Variants in IQCH observed in about 807,000 individuals in gnomAD.
The protein encoded by IQCH is IQ domain-containing protein H.
IQCH carries 98 observed loss-of-function variants against 117.0 expected under a neutral mutation model. The ratio of observed to expected loss-of-function variants is 0.84; its 90% CI spans 0.71 to 0.99. The LOEUF (loss-of-function observed/expected upper bound fraction) is 0.99. Among genes scored for constraint, IQCH ranks in the 50% least tolerant of loss-of-function variants. The probability of loss-of-function intolerance (pLI) is 0.00; values close to 1 mark genes in which losing one functional copy is unlikely to be tolerated. For synonymous variants in IQCH, 412 were observed against 448.2 expected (o/e 0.92, Z 1.02); for missense variants, 1,102 against 1,243.8 (o/e 0.89, Z 1.72).
intron 4 of IQCH, among the ~76,000 whole-genome samples, chr15:67,297,101 A>G (rs1045724939): frequency 1.1e-4 from 16 of 152,180 alleles, no homozygotes; most frequent in Non-Finnish European, 1.0e-4. Flanking sequence ...GCATGGAGTT[A>G]AGTGATGCTG....
chr15:67,495,377 G>A, intron 20 of IQCH, among the ~76,000 whole-genome samples: 1 of 152,254 alleles, frequency 6.6e-6, no homozygotes, highest in South Asian at 2.1e-4. Context: ...GTTTTGTTTT[G>A]TTTTAAAGAG....
At position 67,358,865 on chromosome 15, in the gene IQCH, G is replaced by C. The variant is rs1361360905; in HGVS notation, c.715-982G>C. On this transcript the variant is annotated intron_variant, in intron 7 of 20. Transcript: ENST00000335894. ...ATCAAGAGGTTTCACTGTAATATCAGCACTGGTGGGCTGTGTCCCCTTAAG... is the reference window on the plus strand; with the variant it reads ...ATCAAGAGGTTTCACTGTAATATCACCACTGGTGGGCTGTGTCCCCTTAAG... 2.0e-5 allele frequency among the ~76,000 whole-genome samples: 3 copies of C among 152,316 alleles called. No individual in the cohort carries two copies. In the East Asian group the frequency reaches 5.8e-4, roughly 29 times the overall value.
Position 67,421,512 on chromosome 15 carries a change from G to A in IQCH, c.2440G>A (p.Asp814Asn). ...AATTGGAAAAGCCTGCAGAATGAGA[G>A]ATGTGGTTGGTTACTTTTCGATAGA... Reference protein sequence around the residue: ...LQIGKACRMRDVVGYFSIDLV... With the variant: ...LQIGKACRMRNVVGYFSIDLV... Residue 814 changes from aspartate (D) to asparagine (N), a missense_variant, in exon 16 of 21, where the codon GAT (aspartate) becomes AAT (asparagine). Transcript: ENST00000335894. 2 of 1,614,184 alleles carry A rather than the reference G, an allele frequency of 1.2e-6. No individual in the cohort carries two copies. The highest frequency in any genetic ancestry group is 2.2e-5 in the South Asian group (2 of 91,090).
intron 4 of IQCH, among the ~76,000 whole-genome samples, chr15:67,309,596 T>C (rs899940769): frequency 6.6e-6 from 1 of 152,024 alleles, no homozygotes; most frequent in Admixed American, 6.6e-5. Flanking sequence ...TTGCACAGGA[T>C]ACCCTCTCCA....
intron 16 of IQCH, among the ~76,000 whole-genome samples, chr15:67,441,312 A>C (rs1423466385): frequency 6.6e-6 from 1 of 152,124 alleles, no homozygotes; most frequent in Non-Finnish European, 1.5e-5. Flanking sequence ...CCATACTGCC[A>C]AAAGCAATCT....
Position 67,490,713 on chromosome 15 carries a change from A to C in IQCH, c.2861+649A>C, listed in dbSNP as rs781454146. ...AGTTGTCATTCTGGCATACTTAGAA[A>C]AGTGCTCTGTGCTCTGGTGACTTCA... On this transcript the variant is annotated intron_variant, in intron 19 of 20. Coordinates refer to ENST00000335894, the MANE Select transcript of IQCH (RefSeq NM_001031715.3). The surrounding 1 kb of genome is among the most constrained non-coding windows in gnomAD (Gnocchi z 4.9). Among the ~76,000 whole-genome samples, 3 of 152,124 alleles carry C rather than the reference A, an allele frequency of 2.0e-5. No homozygotes were observed. The highest frequency in any genetic ancestry group is 4.4e-5 in the Non-Finnish European group (3 of 67,992).
rs147103409 is a variant in IQCH, at chr15:67,402,432, G to A, written c.2097+2127G>A. Among the ~76,000 whole-genome samples, 493 of 152,260 alleles carry A rather than the reference G, an allele frequency of 3.2e-3. 24 individuals are homozygous for A. In the East Asian group the frequency reaches 0.081, roughly 25 times the overall value. On this transcript the variant is annotated intron_variant, in intron 14 of 20. Transcript: ENST00000335894. ...GTGGAGGTGAGCTGCAGTCTCCATT[G>A]AGTGTAGCTATTGAGAATTTAGGAT... is the stretch of plus-strand genomic sequence containing the variant.
chr15:67,255,313 C>T (rs1353694655), intron 1 of IQCH: 8 of 227,682 alleles, frequency 3.5e-5, no homozygotes. Context: ...AAATCGGACA[C>T]TCTAGGAGGT....
At chr15:67,468,786 C>CT (rs2082997443) in intron 17 of IQCH, among the ~76,000 whole-genome samples, 1 of 152,124 alleles carries the variant, frequency 6.6e-6, no homozygotes. Context: ...TTGGAAGCTC[C>CT]TTTTTTAAGT....
In IQCH at chr15:67,494,384, T is replaced by C. The variant is rs762346193; in HGVS notation, c.2970+18T>C. On this transcript the variant is annotated intron_variant, in intron 20 of 20. Transcript: ENST00000335894. This position sits in a 1 kb window ranked among gnomAD's most constrained non-coding sequence, Gnocchi z 5.5. ...ATTTTAAGGTGAGGTGTTAATTAAC[T>C]AACGATTCTGGTTAATTTCTATACA... 6.6e-6 allele frequency: 10 copies of C among 1,518,812 alleles called. No individual in the cohort carries two copies. The African/African-American group carries it at 1.4e-4, about 21-fold the overall frequency. 94.1% of individuals were successfully genotyped at this position (1,518,812 alleles called of 1,614,324 possible). A position where few individuals can be genotyped will look rare whatever the true frequency, so the allele number is the denominator to read the frequency against.
rs1443882456 is a variant in IQCH, at chr15:67,500,796, G to C, written c.*50G>C. 5 of 997,346 alleles carry C rather than the reference G, an allele frequency of 5.0e-6. No homozygotes were observed. Among genetic ancestry groups the C allele is most frequent in the Non-Finnish European group, 7.4e-6 (5 of 673,188 alleles). The allele number at this position is 997,346 out of a possible 1,614,324, so 61.8% of individuals were successfully genotyped here. On this transcript the variant is annotated 3_prime_UTR_variant, in exon 21 of 21. Coordinates refer to ENST00000335894, the MANE Select transcript of IQCH (RefSeq NM_001031715.3). This position sits in a 1 kb window ranked among gnomAD's most constrained non-coding sequence, Gnocchi z 4.4. ...TTGGATCCCAGTCTGGAATAAAAAG[G>C]GCAATTTTTTTTTCTGTTAGAAATA...
At chr15:67,379,593 G>A (rs1970852311) in intron 10 of IQCH, among the ~76,000 whole-genome samples, 1 of 152,126 alleles carries the variant, frequency 6.6e-6, no homozygotes, top group Admixed American at 6.5e-5. Context: ...CATGTTGGAG[G>A]AGGGGCCTGG....
chr15:67,300,006 A>G (rs1192003166), intron 4 of IQCH, among the ~76,000 whole-genome samples: 1 of 152,092 alleles, frequency 6.6e-6, no homozygotes, highest in Admixed American at 6.6e-5. Context: ...ACGTTATTTC[A>G]TTAGGAATTA....
chr15:67,449,764 A>G (rs2082474737), intron 16 of IQCH, among the ~76,000 whole-genome samples: 1 of 152,204 alleles, frequency 6.6e-6, no homozygotes, highest in Non-Finnish European at 1.5e-5. Flanking sequence ...CTGTGAAGAA[A>G]GTCATTGGTA....
intron 2 of IQCH, 23 bp from the exon 3 acceptor site, chr15:67,263,099 A>C (rs765149972): frequency 4.0e-6 from 5 of 1,265,746 alleles, no homozygotes; most frequent in Non-Finnish European, 5.8e-6. Context: ...ATAATTGCCT[A>C]AACTTTGACA....
At chr15:67,419,329 C>T (rs1346183501) in intron 15 of IQCH, among the ~76,000 whole-genome samples, 1 of 152,260 alleles carries the variant, frequency 6.6e-6, no homozygotes, top group Non-Finnish European at 1.5e-5. Context: ...TTCTGCCTTT[C>T]TCTCGACCCA....
intron 3 of IQCH, among the ~76,000 whole-genome samples, chr15:67,272,610 A>G (rs1233669838): frequency 2.0e-5 from 3 of 152,180 alleles, no homozygotes; most frequent in Non-Finnish European, 4.4e-5. Flanking sequence ...GGGTGCTCCA[A>G]TGTTGCGTGC....
At chr15:67,343,044 A>G (rs1056999363) in intron 5 of IQCH, among the ~76,000 whole-genome samples, 2 of 152,098 alleles carry the variant, frequency 1.3e-5, no homozygotes, top group Non-Finnish European at 2.9e-5. Flanking sequence ...CAGCTCTCCA[A>G]CCCTTCAGTG....
chr15:67,416,998 A>G lies in IQCH; in HGVS notation c.2165A>G (p.Asn722Ser). 1.2e-6 allele frequency: 2 copies of G among 1,612,270 alleles called. No individual in the cohort carries two copies. The highest frequency in any genetic ancestry group is 1.7e-6 in the Non-Finnish European group (2 of 1,179,162). Reference protein sequence around the residue: ...GILAQHAQPVNEKRFPTWRKF... With the variant: ...GILAQHAQPVSEKRFPTWRKF... Reference sequence around the variant, plus strand: ...TTAGCACAGCACGCACAGCCAGTCAATGAGAAACGGTTCCCGACGTGGAGG... The same window carrying G: ...TTAGCACAGCACGCACAGCCAGTCAGTGAGAAACGGTTCCCGACGTGGAGG... Residue 722 changes from asparagine (N) to serine (S), a missense_variant, in exon 15 of 21, where the codon AAT becomes AGT. Physicochemically the swap from Asn to Ser is conservative, Grantham distance 46. Around this residue, in one of 2 missense-constraint regions of IQCH, gnomAD observed 650 missense variants for 794.3 expected, o/e 0.82. Transcript: ENST00000335894. The surrounding 1 kb of genome is among the most constrained non-coding windows in gnomAD (Gnocchi z 5.1).
Sources: gnomAD v4.1 joint callset for allele counts (sites outside exome capture counted in the v4.1 genomes callset) on GRCh38, gnomAD v4.1.1 for gene constraint, gnomAD v4.1.1 regional missense constraint, Gnocchi (gnomAD v3.1) non-coding constraint, MANE v1.5 for transcripts, NCBI Gene and HGNC (gene_info 2026-07-23, HGNC 2026-07-21) for gene names.